CKAP5: variants seen among roughly 807,000 people sequenced by gnomAD.
CKAP5 encodes cytoskeleton-associated protein 5.
In CKAP5, 27 loss-of-function variants were observed where a neutral mutation model predicts 232.8. The observed-to-expected ratio is 0.12, with a 90% CI of 0.09 to 0.16. The LOEUF (loss-of-function observed/expected upper bound fraction) is 0.16. Among genes scored for constraint, CKAP5 ranks in the 10% least tolerant of loss-of-function variants. CKAP5 has a pLI of 1.00. For synonymous variants in CKAP5, 785 were observed against 841.1 expected (o/e 0.93, Z 1.16); for missense variants, 1,838 against 2,424.7 (o/e 0.76, Z 5.08).
intron 18 of CKAP5, among the ~76,000 whole-genome samples, chr11:46,782,156 C>A (rs113402296): frequency 0.034 from 5,140 of 151,300 alleles, 276 homozygotes; most frequent in African/African-American, 0.11. Context: ...CTCTCTCTCT[C>A]TATATATATA....
intron 1 of CKAP5, among the ~76,000 whole-genome samples, chr11:46,832,668 ACCTTGAAGTTGATATTATTATC>A (rs1334212976): frequency 1.3e-5 from 2 of 152,204 alleles, no homozygotes; most frequent in African/African-American, 4.8e-5. Flanking sequence ...AATCCTTAAA[ACCTTGAAGTTGATATTATTATC>A]CCTATTTAAT....
chr11:46,765,155 C>T lies in CKAP5; in HGVS notation c.3513G>A (p.Arg1171=), dbSNP rs771418992. 44 of 1,612,654 alleles carry T rather than the reference C, an allele frequency of 2.7e-5. No individual in the cohort carries two copies. The highest frequency in any genetic ancestry group is 1.3e-4 in the Admixed American group (8 of 59,782). ...CCTTCAATCCTTTTTCATCTTTCAT[C>T]CTTTGCTCTTTTCCATTTGGAACAA... ...FIVVPNGKEQ[R]MKDEKGLKVL... Residue 1171 remains arginine (R), a synonymous_variant, in exon 28 of 44, where the codon AGG becomes AGA. Coordinates refer to ENST00000529230, the MANE Select transcript of CKAP5 (RefSeq NM_001008938.4).
At chr11:46,759,846 G>A (rs947682058) in intron 33 of CKAP5, among the ~76,000 whole-genome samples, 1 of 152,160 alleles carries the variant, frequency 6.6e-6, no homozygotes, top group African/African-American at 2.4e-5. Flanking sequence ...ATTAACCAGT[G>A]CTTTAATTTT....
rs767002281 is a variant in CKAP5 at position 46,818,450 on chromosome 11, T to C, written c.111A>G (p.Lys37=). Residue 37 remains lysine (K), a synonymous_variant, in exon 3 of 44, where the codon AAA becomes AAG. Coordinates refer to ENST00000529230, the MANE Select transcript of CKAP5 (RefSeq NM_001008938.4). ...ACTCTGGGCTCTTTTCATCCTTTAT[T>C]TTCTGGAAGATCTTCAGGGCCTCTT... is the stretch of plus-strand genomic sequence containing the variant. The part of the protein sequence containing the change: ...GYEEALKIFQ[K]IKDEKSPEWS... 3 of 1,608,334 alleles carry C rather than the reference T, an allele frequency of 1.9e-6. No individual in the cohort carries two copies. The highest frequency in any genetic ancestry group is 1.1e-5 in the South Asian group (1 of 89,670).
intron 8 of CKAP5, among the ~76,000 whole-genome samples, chr11:46,805,981 A>C (rs1939145237): frequency 6.6e-6 from 1 of 152,258 alleles, no homozygotes; most frequent in Admixed American, 6.5e-5. Flanking sequence ...TCACTACTTA[A>C]GGCAAAAAGA....
chr11:46,792,652 G>A (rs1404449589), intron 13 of CKAP5, among the ~76,000 whole-genome samples: 2 of 152,140 alleles, frequency 1.3e-5, no homozygotes, highest in African/African-American at 4.8e-5. Flanking sequence ...CTCACGTGCT[G>A]CTGATATTGT....
At chr11:46,829,196 CCT>C (rs1463694679) in intron 1 of CKAP5, among the ~76,000 whole-genome samples, 12 of 152,120 alleles carry the variant, frequency 7.9e-5, no homozygotes, top group Admixed American at 7.9e-4. Context: ...TTCTTCTGCC[CCT>C]GTCACCCTTA....
chr11:46,749,714 G>C (rs571849970), intron 42 of CKAP5, among the ~76,000 whole-genome samples: 17 of 152,124 alleles, frequency 1.1e-4, no homozygotes, highest in African/African-American at 4.1e-4. Flanking sequence ...AGCACTTTGG[G>C]AGGCTGAGGC....
chr11:46,802,557 G>GACAGACACAC (rs1366464897), intron 8 of CKAP5, among the ~76,000 whole-genome samples: 14 of 147,544 alleles, frequency 9.5e-5, no homozygotes, highest in African/African-American at 3.2e-4. Context: ...CAGACAGACA[G>GACAGACACAC]ACACACACAC....
At chr11:46,772,989 G>A (rs1158911006) in intron 24 of CKAP5, among the ~76,000 whole-genome samples, 1 of 152,028 alleles carries the variant, frequency 6.6e-6, no homozygotes, top group African/African-American at 2.4e-5. Flanking sequence ...ATCTGCCCCC[G>A]CCTTGGCCTT....
At chr11:46,839,235 G>A (rs1025476088) in intron 1 of CKAP5, among the ~76,000 whole-genome samples, 1 of 152,228 alleles carries the variant, frequency 6.6e-6, no homozygotes, top group Non-Finnish European at 1.5e-5. Flanking sequence ...TGAAGCCTGA[G>A]AGTGCCAGTA....
Position 46,798,046 on chromosome 11 carries a change from C to T in CKAP5, c.1173+37G>A, listed in dbSNP as rs113937457. ...CAAAATATTATATTTACAAACTTTA[C>T]TTCAGATAAAACTACAAACTCATGC... is the stretch of plus-strand genomic sequence containing the variant. On this transcript the variant is annotated intron_variant, in intron 10 of 43. Transcript: ENST00000529230. 4.4e-6 allele frequency: 7 copies of T among 1,606,322 alleles called. No homozygotes were observed. The African/African-American group carries it at 9.4e-5, about 22-fold the overall frequency.
intron 38 of CKAP5, among the ~76,000 whole-genome samples, chr11:46,752,193 T>TATATATACACAC (rs1408030107): frequency 3.0e-5 from 2 of 66,552 alleles, no homozygotes; most frequent in African/African-American, 1.0e-4. Context: ...TATATATATA[T>TATATATACACAC]ACACACACAC....
At chr11:46,824,933 G>C (rs1465391222) in intron 1 of CKAP5, among the ~76,000 whole-genome samples, 1 of 152,114 alleles carries the variant, frequency 6.6e-6, no homozygotes, top group Non-Finnish European at 1.5e-5. Context: ...CACATATTCA[G>C]AAATTTCAAT....
In CKAP5 at chr11:46,797,856, A is replaced by G. The variant is rs763722304; in HGVS notation, c.1287T>C (p.Ala429=). The change falls in exon 11 of 44, where the codon GCT becomes GCC. Residue 429 remains alanine (A), a synonymous_variant. Transcript: ENST00000529230. Reference sequence around the variant, plus strand: ...TTAGCAAGCTCTTTGGCAGGGTAGAAGCAGTGCAGTGGCGGAAACTTCTTG... The same window carrying G: ...TTAGCAAGCTCTTTGGCAGGGTAGAGGCAGTGCAGTGGCGGAAACTTCTTG... ...FIARSFRHCT[A]STLPKSLLKP... 4 of 1,614,120 alleles carry G rather than the reference A, an allele frequency of 2.5e-6. No homozygotes were observed. Among genetic ancestry groups the G allele is most frequent in the Non-Finnish European group, 3.4e-6 (4 of 1,180,024 alleles).
At chr11:46,817,718 G>T (rs1939437061) in intron 3 of CKAP5, among the ~76,000 whole-genome samples, 1 of 151,856 alleles carries the variant, frequency 6.6e-6, no homozygotes, top group Non-Finnish European at 1.5e-5. Flanking sequence ...ACAGAGACTA[G>T]AGTTAGGAAA....
chr11:46,819,501 T>C (rs1939478817), intron 2 of CKAP5, among the ~76,000 whole-genome samples: 1 of 152,182 alleles, frequency 6.6e-6, no homozygotes, highest in Admixed American at 6.5e-5. Flanking sequence ...GTTTGTGGGA[T>C]GATCGAATTT....
chr11:46,825,028 T>C (rs1939621154), intron 1 of CKAP5, among the ~76,000 whole-genome samples: 1 of 152,228 alleles, frequency 6.6e-6, no homozygotes, highest in Non-Finnish European at 1.5e-5. Context: ...TTTACAGATA[T>C]ATTATAATCA....
At chr11:46,837,099 C>G (rs1939935288) in intron 1 of CKAP5, among the ~76,000 whole-genome samples, 1 of 152,120 alleles carries the variant, frequency 6.6e-6, no homozygotes, top group African/African-American at 2.4e-5. Context: ...AGTATGTACT[C>G]TAGTTGATAA....
Sources: allele counts gnomAD v4.1 joint callset (sites outside exome capture counted in the v4.1 genomes callset), GRCh38; gene constraint gnomAD v4.1.1; transcripts MANE v1.5; gene names NCBI Gene and HGNC (gene_info 2026-07-23, HGNC 2026-07-21).